The following PDE4B variants were observed in gnomAD, a reference collection of about 807,000 sequenced individuals.
PDE4B encodes the protein phosphodiesterase 4B.
Under a neutral mutation model 82.2 loss-of-function variants are expected in PDE4B, and 20 were observed. That is an observed-to-expected ratio of 0.24 (90% CI 0.17 to 0.35). The LOEUF (loss-of-function observed/expected upper bound fraction) is 0.35, where lower values mean the gene tolerates loss of function less well. PDE4B is among the 10% of genes least tolerant of loss of function. The pLI is 1.00. For synonymous variants in PDE4B, 320 were observed against 318.9 expected (o/e 1.00, Z -0.04); for missense variants, 655 against 907.2 (o/e 0.72, Z 3.57).
In PDE4B at chr1:66,322,236, C is replaced by T. The variant is rs1464628360; in HGVS notation, c.635-10272C>T. ...TAAAAACCCTAGAAGAAAACCTAGGCATTCAGGACATAGGCATGGGCAAAG... is the reference window on the plus strand; with the variant it reads ...TAAAAACCCTAGAAGAAAACCTAGGTATTCAGGACATAGGCATGGGCAAAG... On this transcript the variant is annotated intron_variant, in intron 7 of 16. Coordinates refer to ENST00000341517, the MANE Select transcript of PDE4B (RefSeq NM_002600.4). Among the ~76,000 whole-genome samples, 3 of 152,062 alleles carry T rather than the reference C, an allele frequency of 2.0e-5. No homozygotes were observed. The South Asian group carries it at 6.2e-4, about 31-fold the overall frequency.
intron 1 of PDE4B, among the ~76,000 whole-genome samples, chr1:65,797,197 A>G (rs1400913210): frequency 6.8e-6 from 1 of 147,146 alleles, no homozygotes; most frequent in South Asian, 2.2e-4. Context: ...CTCGTGATCC[A>G]CCTGCCTCGG....
In PDE4B at chr1:66,098,011, A is replaced by G. The variant is rs537571798; in HGVS notation, c.282-149449A>G. Reference sequence around the variant, plus strand: ...CACCAATTAGTCTAGGGTTACTACTATGGTGATAACTATATAATGATTCTT... The same window carrying G: ...CACCAATTAGTCTAGGGTTACTACTGTGGTGATAACTATATAATGATTCTT... On this transcript the variant is annotated intron_variant, in intron 3 of 16. Coordinates refer to ENST00000341517, the MANE Select transcript of PDE4B (RefSeq NM_002600.4). Among the ~76,000 whole-genome samples the G allele has an allele frequency of 5.9e-5, 9 of 152,130 alleles. No individual in the cohort carries two copies. The East Asian group carries it at 1.5e-3, about 26-fold the overall frequency.
intron 7 of PDE4B, among the ~76,000 whole-genome samples, chr1:66,299,551 T>C (rs939744341): frequency 2.6e-5 from 4 of 152,190 alleles, no homozygotes; most frequent in African/African-American, 7.2e-5. Flanking sequence ...CTCCAATACA[T>C]TGATTTATTT....
Position 66,102,932 on chromosome 1 carries a change from C to G in PDE4B, c.282-144528C>G, listed in dbSNP as rs187345025. On this transcript the variant is annotated intron_variant, in intron 3 of 16. Transcript: ENST00000341517. ...TATTTTCCCATTACAGGTATGTATA[C>G]CAGAGAATAAACCACAGTCTACTTC... Among the ~76,000 whole-genome samples, 59 of 152,042 alleles carry G rather than the reference C, an allele frequency of 3.9e-4. No individual in the cohort carries two copies. The East Asian group carries it at 0.01, about 27-fold the overall frequency.
chr1:66,159,762 A>C (rs1285732817), intron 3 of PDE4B, among the ~76,000 whole-genome samples: 1 of 151,880 alleles, frequency 6.6e-6, no homozygotes, highest in Non-Finnish European at 1.5e-5. Context: ...ATAGGCCATG[A>C]ATTAAGTGTT....
intron 8 of PDE4B, among the ~76,000 whole-genome samples, chr1:66,343,454 T>A (rs1298745364): frequency 6.6e-6 from 1 of 152,202 alleles, no homozygotes; most frequent in Non-Finnish European, 1.5e-5. Flanking sequence ...AACCCTCCCT[T>A]AGCTATTCTA....
chr1:66,136,480 C>T (rs997853371), intron 3 of PDE4B, among the ~76,000 whole-genome samples: 5 of 151,940 alleles, frequency 3.3e-5, no homozygotes, highest in African/African-American at 9.7e-5. Context: ...GAGGCCAAGG[C>T]GGGCAGATCT....
intron 3 of PDE4B, among the ~76,000 whole-genome samples, chr1:66,012,843 A>G (rs956176744): frequency 1.3e-5 from 2 of 152,242 alleles, no homozygotes; most frequent in African/African-American, 4.8e-5. Flanking sequence ...GGATTTGTTT[A>G]GTGAGTATGT....
At chr1:65,869,003 A>C (rs1334118068) in intron 1 of PDE4B, among the ~76,000 whole-genome samples, 1 of 152,312 alleles carries the variant, frequency 6.6e-6, no homozygotes, top group Admixed American at 6.5e-5. Flanking sequence ...CCACTGCCCT[A>C]TAGGGAATAC....
intron 3 of PDE4B, among the ~76,000 whole-genome samples, chr1:66,067,475 AT>A (rs1655918540): frequency 6.6e-6 from 1 of 152,150 alleles, no homozygotes; most frequent in African/African-American, 2.4e-5. Flanking sequence ...TTTTGGCTGC[AT>A]AAGTGTCTTA....
In PDE4B at chr1:66,304,765, C is replaced by T. The variant is rs111455756; in HGVS notation, c.635-27743C>T. Among the ~76,000 whole-genome samples the T allele has an allele frequency of 2.6e-3, 400 of 152,170 alleles. 3 individuals are homozygous for T. The highest frequency in any genetic ancestry group is 8.5e-3 in the African/African-American group (354 of 41,532). On this transcript the variant is annotated intron_variant, in intron 7 of 16. Transcript: ENST00000341517. ...ACATACAGGGTTGGAAAATGTCCCT[C>T]GCCTTATTCAAGAAATTCTCACCTT...
intron 3 of PDE4B, among the ~76,000 whole-genome samples, chr1:66,234,345 A>G (rs1652230013): frequency 6.6e-6 from 1 of 152,126 alleles, no homozygotes; most frequent in Non-Finnish European, 1.5e-5. Context: ...CTGGAGTGCA[A>G]TGGCAGGATG....
chr1:66,147,947 G>A (rs1570343350), intron 3 of PDE4B, among the ~76,000 whole-genome samples: 5 of 152,052 alleles, frequency 3.3e-5, no homozygotes, highest in Admixed American at 2.6e-4. Context: ...CTTCTTTGGG[G>A]CATCACTATT....
chr1:66,052,395 A>C (rs896275021), intron 3 of PDE4B, among the ~76,000 whole-genome samples: 2 of 152,132 alleles, frequency 1.3e-5, no homozygotes, highest in African/African-American at 4.8e-5. Flanking sequence ...AATATTTATA[A>C]TGATAGGGTT....
intron 3 of PDE4B, among the ~76,000 whole-genome samples, chr1:66,109,150 T>C (rs1645431585): frequency 6.6e-6 from 1 of 151,980 alleles, no homozygotes; most frequent in Non-Finnish European, 1.5e-5. Context: ...AATGCCATGG[T>C]ACAGACATAT....
chr1:66,247,386 T>C lies in PDE4B; in HGVS notation c.282-74T>C. The C allele has an allele frequency of 5.2e-6, 5 of 963,824 alleles. No homozygotes were observed. In the Admixed American group the frequency reaches 7.6e-5, roughly 15 times the overall value. 59.7% of individuals were successfully genotyped at this position (963,824 alleles called of 1,614,324 possible). A position where few individuals can be genotyped will look rare whatever the true frequency, so the allele number is the denominator to read the frequency against. The stretch of plus-strand genomic sequence containing the variant: ...CTTAGTGTATAGTACCTGCCACACG[T>C]TGGTTCTCAGTGTATACTATGTGTC... On this transcript the variant is annotated intron_variant, in intron 3 of 16. Coordinates refer to ENST00000341517, the MANE Select transcript of PDE4B (RefSeq NM_002600.4).
At chr1:65,845,931 C>T (rs1428040731) in intron 1 of PDE4B, among the ~76,000 whole-genome samples, 1 of 152,194 alleles carries the variant, frequency 6.6e-6, no homozygotes, top group Non-Finnish European at 1.5e-5. Flanking sequence ...AAATTACCAT[C>T]TTGTTCTTCA....
intron 3 of PDE4B, among the ~76,000 whole-genome samples, chr1:65,919,393 A>G (rs996283584): frequency 3.9e-5 from 6 of 152,214 alleles, no homozygotes; most frequent in African/African-American, 9.7e-5. Context: ...GCTATTTTAA[A>G]CCAGTGTTGA....
chr1:66,117,565 A>C (rs756225142), intron 3 of PDE4B, among the ~76,000 whole-genome samples: 24 of 151,964 alleles, frequency 1.6e-4, no homozygotes, highest in Admixed American at 3.9e-4. Context: ...TTTTTTTCTA[A>C]GTTTCCAGGG....
Sources: allele counts gnomAD v4.1 joint callset (sites outside exome capture counted in the v4.1 genomes callset), GRCh38; gene constraint gnomAD v4.1.1; transcripts MANE v1.5; gene names NCBI Gene and HGNC (gene_info 2026-07-23, HGNC 2026-07-21).